COMMD6: variants seen among roughly 807,000 people sequenced by gnomAD.
COMMD6 encodes the protein COMM domain-containing protein 6.
In COMMD6, 11 loss-of-function variants were observed where a neutral mutation model predicts 13.4. That is an observed-to-expected ratio of 0.82 (90% CI 0.52 to 1.36). The LOEUF is 1.36. Ranked by LOEUF, COMMD6 falls within the 40% of genes most tolerant of loss-of-function variation. The pLI, the probability that COMMD6 is intolerant of heterozygous loss-of-function variation, is 0.00. For synonymous variants in COMMD6, 43 were observed against 36.5 expected, an observed-to-expected ratio of 1.18 and a Z score of -0.64; for missense variants, 124 against 102.4, an observed-to-expected ratio of 1.21 and a Z score of -0.91.
upstream of COMMD6, among the ~76,000 whole-genome samples, chr13:75,538,502 C>T (rs186221559): frequency 6.6e-6 from 1 of 151,990 alleles, no homozygotes; most frequent in East Asian, 1.9e-4. Context: ...ACCTGTATAC[C>T]CTTCATCTAG....
chr13:75,547,471 A>G (rs1441784760), intron 1 of COMMD6, among the ~76,000 whole-genome samples: 2 of 152,236 alleles, frequency 1.3e-5, no homozygotes, highest in African/African-American at 4.8e-5. Context: ...CTTCAAAGTC[A>G]TATGGCAAAG....
chr13:75,533,689 C>T (rs1227359317), intron 2 of COMMD6, among the ~76,000 whole-genome samples: 3 of 151,948 alleles, frequency 2.0e-5, no homozygotes, highest in African/African-American at 4.8e-5. Context: ...CAGGACTAAA[C>T]TGATCATATG....
At chr13:75,537,079 T>C (rs999846193) in intron 2 of COMMD6, among the ~76,000 whole-genome samples, 2 of 152,332 alleles carry the variant, frequency 1.3e-5, no homozygotes, top group African/African-American at 4.8e-5. Flanking sequence ...ACATTTTGTA[T>C]GGACTTGGGT....
intron 2 of COMMD6, among the ~76,000 whole-genome samples, chr13:75,535,027 G>A (rs1347807682): frequency 2.6e-5 from 4 of 152,214 alleles, no homozygotes; most frequent in African/African-American, 9.6e-5. Context: ...ATAGCGTGAC[G>A]AAATGCAGGG....
chr13:75,549,055 C>G (rs1304442877), intron 1 of COMMD6, among the ~76,000 whole-genome samples: 1 of 152,182 alleles, frequency 6.6e-6, no homozygotes, highest in African/African-American at 2.4e-5. Context: ...TCTGGACACT[C>G]TCTTCCCCCT....
chr13:75,535,897 T>C (rs2030648076), intron 2 of COMMD6, among the ~76,000 whole-genome samples: 1 of 152,188 alleles, frequency 6.6e-6, no homozygotes, highest in Admixed American at 6.5e-5. Context: ...CGTAATTTTT[T>C]TTTTTTAAGA....
At chr13:75,542,394 A>C (rs910648315), upstream of COMMD6, among the ~76,000 whole-genome samples, 4 of 149,260 alleles carry the variant, frequency 2.7e-5, no homozygotes, top group African/African-American at 9.9e-5. Context: ...AGCTTAAGTG[A>C]TTCTCCTGCC....
chr13:75,544,019 G>C (rs1364639863), intron 1 of COMMD6, among the ~76,000 whole-genome samples: 1 of 150,874 alleles, frequency 6.6e-6, no homozygotes, highest in East Asian at 2.0e-4. Flanking sequence ...TGTATCTGCT[G>C]AAATGCTCCT....
intron 2 of COMMD6, chr13:75,537,448 G>T: frequency 6.4e-7 from 1 of 1,551,278 alleles, no homozygotes; most frequent in East Asian, 2.4e-5. Context: ...GCATTCTTCG[G>T]GCTAGTGCAG....
At chr13:75,535,537 G>T (rs1482760645) in intron 2 of COMMD6, among the ~76,000 whole-genome samples, 1 of 152,232 alleles carries the variant, frequency 6.6e-6, no homozygotes, top group African/African-American at 2.4e-5. Flanking sequence ...ACAATATGCT[G>T]ATCTGATTGT....
chr13:75,532,726 T>C (rs1019253046), intron 2 of COMMD6, among the ~76,000 whole-genome samples: 3 of 152,156 alleles, frequency 2.0e-5, no homozygotes, highest in African/African-American at 7.2e-5. Context: ...AATTTATCTG[T>C]CTTAAAGTAG....
chr13:75,532,841 C>A (rs1375917530), intron 2 of COMMD6, among the ~76,000 whole-genome samples: 1 of 152,088 alleles, frequency 6.6e-6, no homozygotes, highest in Non-Finnish European at 1.5e-5. Context: ...ACTTTTATAT[C>A]CTTTATCTTA....
intron 1 of COMMD6, among the ~76,000 whole-genome samples, chr13:75,545,761 G>A (rs1035642134): frequency 2.6e-5 from 4 of 152,104 alleles, no homozygotes; most frequent in Non-Finnish European, 5.9e-5. Flanking sequence ...GTCAGCCACC[G>A]AGCCCAGCCT....
upstream of COMMD6, among the ~76,000 whole-genome samples, chr13:75,538,186 C>G (rs539957202): frequency 1.3e-5 from 2 of 152,316 alleles, no homozygotes; most frequent in South Asian, 4.1e-4. Flanking sequence ...CGCTGGGCGA[C>G]CGCACCCCCG....
chr13:75,540,531 G>A (rs1403065257), upstream of COMMD6, among the ~76,000 whole-genome samples: 5 of 152,102 alleles, frequency 3.3e-5, no homozygotes, highest in East Asian at 3.9e-4. Context: ...AAAACCTATC[G>A]ATCTGATTTG....
intron 3 of COMMD6, 143 bp downstream of exon 3, chr13:75,529,970 CT>C: frequency 1.6e-6 from 1 of 619,008 alleles, no homozygotes. Flanking sequence ...ATTAATGTCT[CT>C]TGCATATACT....
upstream of COMMD6, among the ~76,000 whole-genome samples, chr13:75,543,519 G>A (rs1593963033): frequency 6.6e-6 from 1 of 152,174 alleles, no homozygotes; most frequent in Non-Finnish European, 1.5e-5. Flanking sequence ...TAAATGTATG[G>A]TAATTTGTTA....
At chr13:75,532,096 T>A (rs527284487) in intron 2 of COMMD6, among the ~76,000 whole-genome samples, 1 of 152,350 alleles carries the variant, frequency 6.6e-6, no homozygotes, top group African/African-American at 2.4e-5. Context: ...GGTAAAACTA[T>A]AAAGAGAATA....
chr13:75,535,767 G>T (rs986213191), intron 2 of COMMD6, among the ~76,000 whole-genome samples: 1 of 152,192 alleles, frequency 6.6e-6, no homozygotes, highest in East Asian at 1.9e-4. Flanking sequence ...TTGTTGCTAG[G>T]ACAGGTGGTG....
Sources: allele counts gnomAD v4.1 joint callset (sites outside exome capture counted in the v4.1 genomes callset), GRCh38; gene constraint gnomAD v4.1.1; transcripts MANE v1.5; gene names NCBI Gene and HGNC (gene_info 2026-07-23, HGNC 2026-07-21).